The following RNASET2 variants were observed in gnomAD, a reference collection of about 807,000 sequenced individuals.
RNASET2 encodes the protein ribonuclease T2.
Under a neutral mutation model 33.9 loss-of-function variants are expected in RNASET2, and 28 were observed. The observed-to-expected ratio is 0.83, with a 90% confidence interval of 0.61 to 1.13. The LOEUF is 1.13. RNASET2 is among the 50% of genes most tolerant of loss of function. The probability of loss-of-function intolerance (pLI) is 0.00; values close to 1 mark genes in which losing one functional copy is unlikely to be tolerated. For synonymous variants in RNASET2, 123 were observed against 121.0 expected, an observed-to-expected ratio of 1.02 and a Z score of -0.11; for missense variants, 330 against 319.9, an observed-to-expected ratio of 1.03 and a Z score of -0.24.
rs1778307933 is a variant in RNASET2, at chr6:166,926,525, C to A, written c.*3063G>T. Among the ~76,000 whole-genome samples the A allele has an allele frequency of 9.0e-6, 1 of 111,546 alleles. No individual in the cohort carries two copies. Among genetic ancestry groups the A allele is most frequent in the African/African-American group, 3.1e-5 (1 of 32,466 alleles). The allele number at this position is 111,546 out of a possible 152,430, so 73.2% of individuals were successfully genotyped here. A position where few individuals can be genotyped will look rare whatever the true frequency, so the allele number is the denominator to read the frequency against. On this transcript the variant is annotated 3_prime_UTR_variant, in exon 9 of 9. Coordinates refer to ENST00000508775, the MANE Select transcript of RNASET2 (RefSeq NM_003730.6). ...CTCCAGCCTGGGCGACAGAGTGAGACTCAGTCTCAAAAAAAAAAAAAAAGA... is the reference window on the plus strand; with the variant it reads ...CTCCAGCCTGGGCGACAGAGTGAGAATCAGTCTCAAAAAAAAAAAAAAAGA...
intron 6 of RNASET2, among the ~76,000 whole-genome samples, chr6:166,936,350 CGTGTGTGTGTGT>C (rs56962763): frequency 6.7e-6 from 1 of 149,392 alleles, no homozygotes; most frequent in South Asian, 2.1e-4. Flanking sequence ...TTGCATGTGT[CGTGTGTGTGTGT>C]GTGTGTGTGT....
At chr6:166,950,860 C>G (rs914108648) in intron 2 of RNASET2, among the ~76,000 whole-genome samples, 1 of 152,184 alleles carries the variant, frequency 6.6e-6, no homozygotes, top group Non-Finnish European at 1.5e-5. Context: ...AATAAAATGT[C>G]CAATACATGG....
In RNASET2 at chr6:166,954,682, A is replaced by C. The variant is rs573081219; in HGVS notation, c.86+1415T>G. The stretch of plus-strand genomic sequence containing the variant: ...CACTGAAATATAATGCTACATTTTA[A>C]TGTACATGATTAAAAATATATACCT... On this transcript the variant is annotated intron_variant, in intron 1 of 8. Transcript: ENST00000508775. 2.6e-5 allele frequency among the ~76,000 whole-genome samples: 4 copies of C among 152,392 alleles called. No homozygotes were observed. The East Asian group carries it at 7.7e-4, about 29-fold the overall frequency.
At chr6:166,943,113 G>A (rs780542049) in intron 4 of RNASET2, 24 bp from the exon 5 acceptor site, 2 of 1,561,544 alleles carry the variant, frequency 1.3e-6, no homozygotes, top group Non-Finnish European at 1.8e-6. Context: ...AATAAAATAA[G>A]TCTACGCAGG....
Position 166,928,248 on chromosome 6 carries a change from G to T in RNASET2, c.*1340C>A, listed in dbSNP as rs914410272. The stretch of plus-strand genomic sequence containing the variant: ...GCCTGCGGGGGACGCAGAGGCCACT[G>T]AGTCTAGGATCAGGACTGCGACACC... On this transcript the variant is annotated 3_prime_UTR_variant, in exon 9 of 9. Coordinates refer to ENST00000508775, the MANE Select transcript of RNASET2 (RefSeq NM_003730.6). Among the ~76,000 whole-genome samples the T allele has an allele frequency of 6.6e-6, 1 of 152,204 alleles. No individual in the cohort carries two copies. The highest frequency in any genetic ancestry group is 6.5e-5 in the Admixed American group (1 of 15,286).
intron 2 of RNASET2, among the ~76,000 whole-genome samples, chr6:166,949,199 CAAAAAAA>C (rs1169530046): frequency 1.9e-5 from 1 of 52,318 alleles, no homozygotes; most frequent in East Asian, 5.1e-4. Context: ...ACCGTGTCTC[CAAAAAAA>C]AAAAAAAAAA....
In RNASET2 at chr6:166,953,879, C is replaced by CAAAAAAAAAAAAAAAAAAAAAAAAAAAAA. The variant is rs548523987; in HGVS notation, c.87-1332_87-1331insTTTTTTTTTTTTTTTTTTTTTTTTTTTTT. On this transcript the variant is annotated intron_variant, in intron 1 of 8. Coordinates refer to ENST00000508775, the MANE Select transcript of RNASET2 (RefSeq NM_003730.6). ...TGGGCTACACAGCCAGACCCTGTCT[C>CAAAAAAAAAAAAAAAAAAAAAAAAAAAAA]AAAAAAAAAAAAAAAGGATGAGCTG... Among the ~76,000 whole-genome samples the CAAAAAAAAAAAAAAAAAAAAAAAAAAAAA allele has an allele frequency of 7.2e-5, 8 of 110,722 alleles. No individual in the cohort carries two copies. In the East Asian group the frequency reaches 1.4e-3, roughly 19 times the overall value. 72.6% of individuals were successfully genotyped at this position (110,722 alleles called of 152,430 possible). A position where few individuals can be genotyped will look rare whatever the true frequency, so the allele number is the denominator to read the frequency against.
At chr6:166,944,767 C>A (rs2769341) in intron 4 of RNASET2, among the ~76,000 whole-genome samples, 5,716 of 152,010 alleles carry the variant, frequency 0.038, 375 homozygotes, top group African/African-American at 0.13. Context: ...TCAAATCTCT[C>A]CACTCCTGGG....
In RNASET2 at chr6:166,952,265, A is replaced by C. The variant is rs1334709880; in HGVS notation, c.147+223T>G. On this transcript the variant is annotated intron_variant, in intron 2 of 8. Transcript: ENST00000508775. The stretch of plus-strand genomic sequence containing the variant: ...CCAGGACCGTGAGAATAAATTCCTG[A>C]GGCTCTCAGCCACCCAGCTTGTGGC... 3.3e-5 allele frequency among the ~76,000 whole-genome samples: 5 copies of C among 152,322 alleles called. No homozygotes were observed. The South Asian group carries it at 8.3e-4, about 25-fold the overall frequency.
rs142185352 is a variant in RNASET2 at position 166,935,348 on chromosome 6, T to C, written c.447-1212A>G. Among the ~76,000 whole-genome samples, 663 of 152,356 alleles carry C rather than the reference T, an allele frequency of 4.4e-3. 4 individuals are homozygous for C. In the Middle Eastern group the frequency reaches 0.044, roughly 10 times the overall value. On this transcript the variant is annotated intron_variant, in intron 6 of 8. Transcript: ENST00000508775. Reference sequence around the variant, plus strand: ...TTAACCTGTTTCTTTTTGCTCCTTTTAATGATGCTACTAGAAAATTTAAAA... The same window carrying C: ...TTAACCTGTTTCTTTTTGCTCCTTTCAATGATGCTACTAGAAAATTTAAAA...
chr6:166,931,263 C>T (rs955297507), intron 7 of RNASET2, 145 bp from the exon 8 acceptor site: 8 of 697,874 alleles, frequency 1.1e-5, no homozygotes, highest in Admixed American at 1.0e-4. Context: ...GAGAATGATG[C>T]CCCCACCTCC....
At position 166,952,483 on chromosome 6, in the gene RNASET2, C is replaced by T; in HGVS notation, c.147+5G>A. ...CCCAGGGCCCGTCAAGGCAGAAACA[C>T]TCACCTCGCATACTGTCTCAGGCCA... On this transcript the variant is annotated splice_donor_5th_base_variant and intron_variant, in intron 2 of 8. Transcript: ENST00000508775. 1 of 1,613,788 alleles carries T rather than the reference C, an allele frequency of 6.2e-7. No individual in the cohort carries two copies. The highest frequency in any genetic ancestry group is 8.5e-7 in the Non-Finnish European group (1 of 1,179,606).
intron 1 of RNASET2, 62 bp downstream of exon 1, chr6:166,956,035 C>A: frequency 6.8e-7 from 1 of 1,471,118 alleles, no homozygotes; most frequent in Non-Finnish European, 9.3e-7. Context: ...CAGCCTTCAC[C>A]CAGTGGAAAG....
chr6:166,953,196 G>A (rs573243807), intron 1 of RNASET2: 2 of 154,728 alleles, frequency 1.3e-5, no homozygotes, highest in Non-Finnish European at 2.9e-5. Context: ...TGCATCACAC[G>A]TGTTACCCAG....
At position 166,937,523 on chromosome 6, in the gene RNASET2, T is replaced by A. The variant is rs1778597408; in HGVS notation, c.446+1372A>T. Reference sequence around the variant, plus strand: ...TATTGCTCTTACTGCAAGAAAGCAATGCTTCCTTTATTAAAAACCTAAGAT... The same window carrying A: ...TATTGCTCTTACTGCAAGAAAGCAAAGCTTCCTTTATTAAAAACCTAAGAT... On this transcript the variant is annotated intron_variant, in intron 6 of 8. Coordinates refer to ENST00000508775, the MANE Select transcript of RNASET2 (RefSeq NM_003730.6). Among the ~76,000 whole-genome samples, 3 of 152,226 alleles carry A rather than the reference T, an allele frequency of 2.0e-5. No homozygotes were observed. In the South Asian group the frequency reaches 6.2e-4, roughly 32 times the overall value.
At position 166,925,801 on chromosome 6, in the gene RNASET2, A is replaced by C. The variant is rs935138783; in HGVS notation, c.*3787T>G. The stretch of plus-strand genomic sequence containing the variant: ...GGAACTTGCTAAACTAGGTGAGCAG[A>C]AGAGCACTCCAGGCCACCCAAACTG... On this transcript the variant is annotated 3_prime_UTR_variant, in exon 9 of 9. Transcript: ENST00000508775. 3.3e-5 allele frequency among the ~76,000 whole-genome samples: 5 copies of C among 152,232 alleles called. No individual in the cohort carries two copies. Among genetic ancestry groups the C allele is most frequent in the African/African-American group, 1.2e-4 (5 of 41,472 alleles).
At position 166,927,546 on chromosome 6, in the gene RNASET2, G is replaced by A. The variant is rs1036721747; in HGVS notation, c.*2042C>T. 4.4e-5 allele frequency among the ~76,000 whole-genome samples: 6 copies of A among 137,260 alleles called. No homozygotes were observed. The highest frequency in any genetic ancestry group is 6.6e-5 in the African/African-American group (2 of 30,456). The allele number at this position is 137,260 out of a possible 152,430, so 90.0% of individuals were successfully genotyped here. On this transcript the variant is annotated 3_prime_UTR_variant, in exon 9 of 9. Coordinates refer to ENST00000508775, the MANE Select transcript of RNASET2 (RefSeq NM_003730.6). ...AAAAAGAATGGCTTCTTTAAAAACC[G>A]CAAAGGCCAGCCGACTGCAGACAGC...
chr6:166,953,769 T>C lies in RNASET2; in HGVS notation c.87-1221A>G, dbSNP rs778871613. 7.4e-4 allele frequency among the ~76,000 whole-genome samples: 112 copies of C among 151,792 alleles called. 1 individual carries two copies. Among genetic ancestry groups the C allele is most frequent in the Middle Eastern group, 3.2e-3 (1 of 316 alleles). On this transcript the variant is annotated intron_variant, in intron 1 of 8. Coordinates refer to ENST00000508775, the MANE Select transcript of RNASET2 (RefSeq NM_003730.6). ...GGCATGAACCTGTAGTCCCAGCTAC[T>C]TGGAAGGCGCTGAGGCAAGAGGATA...
At chr6:166,952,607 T>G (rs908849833) in intron 1 of RNASET2, 59 bp from the exon 2 acceptor site, 2 of 1,315,156 alleles carry the variant, frequency 1.5e-6, no homozygotes, top group African/African-American at 1.5e-5. Context: ...CAGAAAAAAT[T>G]CATCCACCCA....
Sources: gnomAD v4.1 joint callset for allele counts (sites outside exome capture counted in the v4.1 genomes callset) on GRCh38, gnomAD v4.1.1 for gene constraint, MANE v1.5 for transcripts, NCBI Gene and HGNC (gene_info 2026-07-23, HGNC 2026-07-21) for gene names.